SAE1: variants seen among roughly 807,000 people sequenced by gnomAD.
The protein encoded by SAE1 is SUMO-activating enzyme subunit 1.
In SAE1, 11 loss-of-function variants were observed where a neutral mutation model predicts 40.6. That is an observed-to-expected ratio of 0.27 (90% CI 0.17 to 0.45). The LOEUF is 0.45. Among genes scored for constraint, SAE1 ranks in the 20% least tolerant of loss-of-function variants. The pLI is 1.00. For missense variants in SAE1, 373 were observed against 427.3 expected, an observed-to-expected ratio of 0.87 and a Z score of 1.12; for synonymous variants, 155 against 154.3, an observed-to-expected ratio of 1.00 and a Z score of -0.03.
intron 4 of SAE1, among the ~76,000 whole-genome samples, chr19:47,154,775 C>A (rs993677139): frequency 2.0e-5 from 3 of 152,156 alleles, no homozygotes; most frequent in Non-Finnish European, 4.4e-5. Context: ...GGATTACAGG[C>A]GTGAGCCACT....
chr19:47,178,791 G>A (rs1332111346), intron 6 of SAE1, among the ~76,000 whole-genome samples: 1 of 152,158 alleles, frequency 6.6e-6, no homozygotes, highest in Admixed American at 6.5e-5. Flanking sequence ...CTTTTAAAAT[G>A]TGTTAAGCAC....
chr19:47,203,069 G>A (rs1359970082), intron 7 of SAE1, among the ~76,000 whole-genome samples: 1 of 152,142 alleles, frequency 6.6e-6, no homozygotes, highest in African/African-American at 2.4e-5. Context: ...TTGGGGAAGT[G>A]GTGGAATTAA....
intron 1 of SAE1, among the ~76,000 whole-genome samples, chr19:47,139,235 G>A (rs943658628): frequency 3.3e-5 from 5 of 152,160 alleles, no homozygotes; most frequent in Non-Finnish European, 7.4e-5. Flanking sequence ...GTAGAGACGG[G>A]GTTTCACCGT....
intron 6 of SAE1, among the ~76,000 whole-genome samples, chr19:47,170,528 A>T (rs1191210359): frequency 9.7e-6 from 1 of 103,484 alleles, no homozygotes; most frequent in Non-Finnish European, 1.9e-5. Context: ...TTTTTTTGAG[A>T]CAGAGTCTTG....
intron 6 of SAE1, among the ~76,000 whole-genome samples, chr19:47,181,382 T>C (rs944662416): frequency 2.0e-5 from 3 of 151,988 alleles, no homozygotes; most frequent in Non-Finnish European, 2.9e-5. Context: ...ATAGCAGTAC[T>C]GTTTCCATGT....
At chr19:47,139,343 ACCCAG>A (rs1021916441) in intron 1 of SAE1, among the ~76,000 whole-genome samples, 3 of 151,760 alleles carry the variant, frequency 2.0e-5, no homozygotes, top group African/African-American at 7.3e-5. Context: ...CGCCTGGCAC[ACCCAG>A]CTAATTTTTT....
At chr19:47,153,184 C>T (rs977477481) in intron 4 of SAE1, 144 bp downstream of exon 4, 27 of 676,022 alleles carry the variant, frequency 4.0e-5, no homozygotes, top group Non-Finnish European at 6.0e-5. Flanking sequence ...CTCAAGTGAT[C>T]CTCCCACCTT....
At position 47,132,942 on chromosome 19, in the gene SAE1, A is replaced by G. The variant is rs1432986268; in HGVS notation, c.98+1914A>G. ...GTGTATATGTGTCAGTTATTAAAGG[A>G]TGGTGAAGTGAGAGGGTTGTTTTGA... On this transcript the variant is annotated intron_variant, in intron 1 of 8. Coordinates refer to ENST00000270225, the MANE Select transcript of SAE1 (RefSeq NM_005500.3). Among the ~76,000 whole-genome samples the G allele has an allele frequency of 3.3e-5, 5 of 150,950 alleles. No homozygotes were observed. The East Asian group carries it at 7.8e-4, about 23-fold the overall frequency.
At chr19:47,132,427 T>TC (rs1468869588) in intron 1 of SAE1, among the ~76,000 whole-genome samples, 12 of 151,154 alleles carry the variant, frequency 7.9e-5, no homozygotes, top group Non-Finnish European at 1.3e-4. Flanking sequence ...AATTTTTGTT[T>TC]TTTTTTTTTT....
intron 5 of SAE1, 62 bp downstream of exon 5, chr19:47,155,275 C>T (rs1048663627): frequency 1.9e-5 from 22 of 1,150,902 alleles, no homozygotes; most frequent in South Asian, 8.7e-5. Flanking sequence ...CAGGCAATGA[C>T]GATTGAAAAG....
chr19:47,159,268 TTTG>T (rs1299203032), intron 5 of SAE1, among the ~76,000 whole-genome samples: 1 of 152,196 alleles, frequency 6.6e-6, no homozygotes, highest in Non-Finnish European at 1.5e-5. Context: ...TTCTGAGCAA[TTTG>T]TTGACAGCCT....
chr19:47,172,982 G>A (rs1336719574), intron 6 of SAE1, among the ~76,000 whole-genome samples: 1 of 152,004 alleles, frequency 6.6e-6, no homozygotes, highest in Non-Finnish European at 1.5e-5. Flanking sequence ...AAACAAAATG[G>A]CAGTGCCCAC....
intron 4 of SAE1, 34 bp downstream of exon 4, chr19:47,153,074 T>A (rs753364342): frequency 6.5e-7 from 1 of 1,541,624 alleles, no homozygotes; most frequent in Non-Finnish European, 8.7e-7. Flanking sequence ...GAACATAACA[T>A]TTTCTCCTTT....
At chr19:47,168,215 A>G (rs2058407121) in intron 5 of SAE1, among the ~76,000 whole-genome samples, 1 of 152,124 alleles carries the variant, frequency 6.6e-6, no homozygotes, top group African/African-American at 2.4e-5. Context: ...TTTAAAACAA[A>G]AAACTGTTTT....
At chr19:47,179,608 C>T (rs1175222915) in intron 6 of SAE1, among the ~76,000 whole-genome samples, 1 of 152,058 alleles carries the variant, frequency 6.6e-6, no homozygotes, top group African/African-American at 2.4e-5. Context: ...TGCAGTGTCA[C>T]GATCATAACT....
At chr19:47,198,331 T>G (rs1360969293) in intron 7 of SAE1, among the ~76,000 whole-genome samples, 1 of 152,074 alleles carries the variant, frequency 6.6e-6, no homozygotes, top group African/African-American at 2.4e-5. Context: ...AGGCAGGTCT[T>G]GAACTCTTGA....
chr19:47,185,018 C>T (rs898612418), intron 6 of SAE1, among the ~76,000 whole-genome samples: 2 of 151,812 alleles, frequency 1.3e-5, no homozygotes, highest in African/African-American at 2.4e-5. Flanking sequence ...TGAGGTTTCA[C>T]CATGTTGGCC....
rs777043781 is a variant in SAE1, at chr19:47,155,252, G to A, written c.627+39G>A. The stretch of plus-strand genomic sequence containing the variant: ...GGGGGCAGAGGTCAGAAACCCTGGG[G>A]CCTTGGAGGGGTCAGGCAATGACGA... On this transcript the variant is annotated intron_variant, in intron 5 of 8. Transcript: ENST00000270225. 19 of 1,350,596 alleles carry A rather than the reference G, an allele frequency of 1.4e-5. 1 individual carries two copies. The East Asian group carries it at 4.3e-4, about 31-fold the overall frequency. 83.7% of individuals were successfully genotyped at this position (1,350,596 alleles called of 1,614,324 possible).
chr19:47,134,287 G>C (rs2058165389), intron 1 of SAE1, among the ~76,000 whole-genome samples: 1 of 151,378 alleles, frequency 6.6e-6, no homozygotes, highest in East Asian at 1.9e-4. Context: ...TGGGGAGGCA[G>C]ACACGTCAGG....
Sources: allele counts gnomAD v4.1 joint callset (sites outside exome capture counted in the v4.1 genomes callset), GRCh38; gene constraint gnomAD v4.1.1; transcripts MANE v1.5; gene names NCBI Gene and HGNC (gene_info 2026-07-23, HGNC 2026-07-21).